The following KCNJ3 variants were observed in gnomAD, a reference collection of about 807,000 sequenced individuals.
KCNJ3 encodes potassium inwardly rectifying channel subfamily J member 3.
KCNJ3 carries 4 observed loss-of-function variants against 39.2 expected under a neutral mutation model. The ratio of observed to expected loss-of-function variants is 0.10; its 90% CI spans 0.05 to 0.23. The LOEUF (loss-of-function observed/expected upper bound fraction) is 0.23. KCNJ3 is among the 10% of genes least tolerant of loss of function. The pLI is 1.00. For missense variants in KCNJ3, 276 were observed against 634.9 expected (o/e 0.43, Z 6.08); for synonymous variants, 230 against 237.4 (o/e 0.97, Z 0.29).
chr2:154,719,455 G>A (rs1024136905), intron 2 of KCNJ3, among the ~76,000 whole-genome samples: 2 of 152,070 alleles, frequency 1.3e-5, no homozygotes, highest in Admixed American at 1.3e-4. Flanking sequence ...AAAATCAAGA[G>A]TATGAATTAA....
chr2:154,784,314 G>C (rs1482219975), intron 2 of KCNJ3, among the ~76,000 whole-genome samples: 1 of 152,206 alleles, frequency 6.6e-6, no homozygotes, highest in Non-Finnish European at 1.5e-5. Context: ...AGTGAAAAGT[G>C]GACATGACTT....
At chr2:154,719,664 T>C (rs987061071) in intron 2 of KCNJ3, among the ~76,000 whole-genome samples, 1 of 152,250 alleles carries the variant, frequency 6.6e-6, no homozygotes, top group East Asian at 1.9e-4. Flanking sequence ...TGGGAGAGAA[T>C]ATCATTATGC....
intron 2 of KCNJ3, among the ~76,000 whole-genome samples, chr2:154,829,264 A>T (rs1191519609): frequency 2.6e-5 from 4 of 152,016 alleles, no homozygotes; most frequent in Admixed American, 2.6e-4. Context: ...TAGTTTTTCA[A>T]TTCTCACCCT....
chr2:154,764,528 A>C (rs919906745), intron 2 of KCNJ3, among the ~76,000 whole-genome samples: 2 of 152,200 alleles, frequency 1.3e-5, no homozygotes, highest in African/African-American at 4.8e-5. Context: ...ATTCAGGCAC[A>C]CTCACTTTTT....
intron 2 of KCNJ3, among the ~76,000 whole-genome samples, chr2:154,808,333 A>G (rs981551861): frequency 2.0e-5 from 3 of 151,734 alleles, no homozygotes; most frequent in Non-Finnish European, 4.4e-5. Context: ...CACCTGCCTC[A>G]GCCTCTCAAA....
At position 154,698,764 on chromosome 2, in the gene KCNJ3, C is replaced by T; in HGVS notation, c.-12C>T. 8 of 1,578,220 alleles carry T rather than the reference C, an allele frequency of 5.1e-6. No homozygotes were observed. The highest frequency in any genetic ancestry group is 6.9e-6 in the Non-Finnish European group (8 of 1,153,088). On this transcript the variant is annotated 5_prime_UTR_variant, in exon 1 of 3. Coordinates refer to ENST00000295101, the MANE Select transcript of KCNJ3 (RefSeq NM_002239.4). ...TCGCTTCGCGTTTGAATCTGGCTCG[C>T]CCCTTCGTATTATGTCTGCACTCCG...
At chr2:154,770,378 A>G (rs1444085589) in intron 2 of KCNJ3, among the ~76,000 whole-genome samples, 5 of 152,170 alleles carry the variant, frequency 3.3e-5, no homozygotes, top group Non-Finnish European at 7.3e-5. Flanking sequence ...GTTCCGTCGT[A>G]GCTCTTGGAA....
chr2:154,844,661 C>A (rs1261502767), intron 2 of KCNJ3, among the ~76,000 whole-genome samples: 1 of 150,430 alleles, frequency 6.6e-6, no homozygotes, highest in Non-Finnish European at 1.5e-5. Flanking sequence ...ATGGTGGATA[C>A]CCCTCCCCTA....
intron 2 of KCNJ3, among the ~76,000 whole-genome samples, chr2:154,760,795 G>C (rs1402493545): frequency 2.9e-5 from 4 of 140,110 alleles, no homozygotes; most frequent in Non-Finnish European, 6.0e-5. Context: ...GGAGTGCAGT[G>C]GTGCGATCTC....
intron 2 of KCNJ3, among the ~76,000 whole-genome samples, chr2:154,810,354 G>T (rs1269874592): frequency 6.6e-6 from 1 of 152,078 alleles, no homozygotes; most frequent in Non-Finnish European, 1.5e-5. Context: ...AAAGTGCTGG[G>T]ATTACAGGCA....
At chr2:154,748,972 G>T (rs1028291385) in intron 2 of KCNJ3, among the ~76,000 whole-genome samples, 3 of 152,094 alleles carry the variant, frequency 2.0e-5, no homozygotes, top group Admixed American at 6.6e-5. Flanking sequence ...CTGACTTATT[G>T]CAATGGAGAA....
intron 2 of KCNJ3, among the ~76,000 whole-genome samples, chr2:154,829,340 C>T (rs1687324028): frequency 6.6e-6 from 1 of 152,110 alleles, no homozygotes; most frequent in South Asian, 2.1e-4. Flanking sequence ...TTCATATGTA[C>T]TCAGTGTTTC....
At chr2:154,737,468 A>T (rs1685568003) in intron 2 of KCNJ3, among the ~76,000 whole-genome samples, 1 of 115,176 alleles carries the variant, frequency 8.7e-6, no homozygotes, top group Non-Finnish European at 2.0e-5. Flanking sequence ...TCCAATTAAA[A>T]GTAACCGGCA....
intron 2 of KCNJ3, among the ~76,000 whole-genome samples, chr2:154,753,944 A>C (rs1685893211): frequency 6.6e-6 from 1 of 152,198 alleles, no homozygotes; most frequent in African/African-American, 2.4e-5. Flanking sequence ...GCCTTTCAGA[A>C]CCATAGTACA....
At chr2:154,742,944 C>T (rs1685676970) in intron 2 of KCNJ3, among the ~76,000 whole-genome samples, 1 of 151,730 alleles carries the variant, frequency 6.6e-6, no homozygotes, top group African/African-American at 2.4e-5. Flanking sequence ...AATCAATGGC[C>T]AATCAATGTT....
rs374612368 is a variant in KCNJ3 at position 154,796,910 on chromosome 2, G to C, written c.920-57817G>C. ...GCATCAAAATCAGTGGCTATAGCTG[G>C]TTGAGCCAGCCCATTTTATTCTAGA... On this transcript the variant is annotated intron_variant, in intron 2 of 2. Coordinates refer to ENST00000295101, the MANE Select transcript of KCNJ3 (RefSeq NM_002239.4). 2.6e-5 allele frequency among the ~76,000 whole-genome samples: 4 copies of C among 152,086 alleles called. No homozygotes were observed. In the East Asian group the frequency reaches 5.8e-4, roughly 22 times the overall value.
At chr2:154,822,803 G>A (rs1356969600) in intron 2 of KCNJ3, among the ~76,000 whole-genome samples, 3 of 151,842 alleles carry the variant, frequency 2.0e-5, no homozygotes, top group South Asian at 4.1e-4. Context: ...ACCAAAAATA[G>A]TTGAATAAAA....
chr2:154,831,007 A>AATT (rs903387367), intron 2 of KCNJ3, among the ~76,000 whole-genome samples: 2 of 152,150 alleles, frequency 1.3e-5, no homozygotes, highest in African/African-American at 4.8e-5. Context: ...AGTCCTGTTA[A>AATT]ATTTCCCTTC....
intron 2 of KCNJ3, among the ~76,000 whole-genome samples, chr2:154,793,282 C>G (rs951066017): frequency 2.0e-5 from 3 of 151,922 alleles, no homozygotes; most frequent in Non-Finnish European, 2.9e-5. Flanking sequence ...CACGACTTCT[C>G]TTTGCTCACC....
Sources: gnomAD v4.1 joint callset for allele counts (sites outside exome capture counted in the v4.1 genomes callset) on GRCh38, gnomAD v4.1.1 for gene constraint, MANE v1.5 for transcripts, NCBI Gene and HGNC (gene_info 2026-07-23, HGNC 2026-07-21) for gene names.